The following KHDRBS3 variants were observed in gnomAD, a reference collection of about 807,000 sequenced individuals.
KHDRBS3 encodes KH RNA binding domain containing, signal transduction associated 3.
A neutral mutation model predicts 45.6 loss-of-function variants in KHDRBS3; 23 were observed. The observed-to-expected ratio is 0.50, with a 90% CI of 0.36 to 0.72. The LOEUF (loss-of-function observed/expected upper bound fraction) is 0.72. Among genes scored for constraint, KHDRBS3 ranks in the 30% least tolerant of loss-of-function variants. KHDRBS3 has a pLI of 0.00. For missense variants in KHDRBS3, 352 were observed against 424.8 expected (o/e 0.83, Z 1.51); for synonymous variants, 162 against 156.5 (o/e 1.04, Z -0.26).
intron 1 of KHDRBS3, among the ~76,000 whole-genome samples, chr8:135,475,303 C>T (rs1026742909): frequency 1.3e-5 from 2 of 152,104 alleles, no homozygotes; most frequent in African/African-American, 4.8e-5. Flanking sequence ...CCTAGTGTAT[C>T]TTCAGCCTGT....
chr8:135,599,833 T>C (rs886326892), intron 6 of KHDRBS3, among the ~76,000 whole-genome samples: 14 of 152,266 alleles, frequency 9.2e-5, no homozygotes, highest in African/African-American at 3.4e-4. Flanking sequence ...GGAAACAGCC[T>C]GTGCGGAGGA....
chr8:135,493,441 T>G (rs1407491837), intron 1 of KHDRBS3, among the ~76,000 whole-genome samples: 1 of 152,198 alleles, frequency 6.6e-6, no homozygotes, highest in African/African-American at 2.4e-5. Context: ...TTTTCATAGA[T>G]GTTCTTTATT....
At chr8:135,571,844 C>T (rs990342702) in intron 5 of KHDRBS3, among the ~76,000 whole-genome samples, 1 of 152,050 alleles carries the variant, frequency 6.6e-6, no homozygotes, top group African/African-American at 2.4e-5. Context: ...TCTCTCTAAG[C>T]CATAGTTCTT....
At chr8:135,599,125 A>G (rs1026144141) in intron 6 of KHDRBS3, among the ~76,000 whole-genome samples, 2 of 152,206 alleles carry the variant, frequency 1.3e-5, no homozygotes, top group Non-Finnish European at 2.9e-5. Context: ...TGAGTTTTAT[A>G]GGTCGGGAAT....
chr8:135,549,386 A>G (rs901774870), intron 4 of KHDRBS3: 1 of 152,274 alleles, frequency 6.6e-6, no homozygotes, highest in Non-Finnish European at 1.5e-5. Flanking sequence ...CATGATAAAT[A>G]TAACAGACAT....
chr8:135,596,147 A>G (rs1469420028), intron 6 of KHDRBS3, among the ~76,000 whole-genome samples: 1 of 152,214 alleles, frequency 6.6e-6, no homozygotes, highest in African/African-American at 2.4e-5. Flanking sequence ...AGAATGGTAC[A>G]TAGCTAGTAT....
At position 135,536,874 on chromosome 8, in the gene KHDRBS3, G is replaced by A. The variant is rs374860889; in HGVS notation, c.208-5780G>A. ...ACTCGGGAGGCTGAGGCAGGAGAAT[G>A]GCATGAACCCGGGAAGCGGAGCTTG... On this transcript the variant is annotated intron_variant, in intron 2 of 8. Coordinates refer to ENST00000355849, the MANE Select transcript of KHDRBS3 (RefSeq NM_006558.3). Among the ~76,000 whole-genome samples the A allele has an allele frequency of 4.7e-5, 7 of 148,688 alleles. No individual in the cohort carries two copies. The East Asian group carries it at 1.0e-3, about 21-fold the overall frequency.
chr8:135,545,613 C>G (rs1018143823), intron 3 of KHDRBS3, among the ~76,000 whole-genome samples: 1 of 152,154 alleles, frequency 6.6e-6, no homozygotes, highest in African/African-American at 2.4e-5. Context: ...TGCACCCTAG[C>G]TTACTTCTGG....
intron 7 of KHDRBS3, among the ~76,000 whole-genome samples, chr8:135,622,235 T>C (rs1001626413): frequency 3.4e-4 from 52 of 152,216 alleles, no homozygotes; most frequent in African/African-American, 1.2e-3. Context: ...TCAATAAATA[T>C]TTATTGAATA....
chr8:135,624,363 A>G (rs1830270081), intron 7 of KHDRBS3, among the ~76,000 whole-genome samples: 1 of 152,260 alleles, frequency 6.6e-6, no homozygotes. Context: ...TTCAAATCCC[A>G]GAGATGTGGG....
chr8:135,459,249 G>A (rs890448884), intron 1 of KHDRBS3, among the ~76,000 whole-genome samples: 2 of 152,182 alleles, frequency 1.3e-5, no homozygotes, highest in African/African-American at 4.8e-5. Context: ...AGAGTAGAGT[G>A]TGTGTGTGGT....
In KHDRBS3 at chr8:135,518,821, A is replaced by G. The variant is rs1367783294; in HGVS notation, c.89-2416A>G. On this transcript the variant is annotated intron_variant, in intron 1 of 8. Coordinates refer to ENST00000355849, the MANE Select transcript of KHDRBS3 (RefSeq NM_006558.3). ...ATTCTATTCATGGAAAATTTCTGAA[A>G]GAGTATATAAAAACAGTTGATTACA... is the stretch of plus-strand genomic sequence containing the variant. Among the ~76,000 whole-genome samples the G allele has an allele frequency of 2.6e-5, 4 of 152,212 alleles. No individual in the cohort carries two copies. In the East Asian group the frequency reaches 7.7e-4, roughly 29 times the overall value.
At chr8:135,489,546 C>T (rs1261707530) in intron 1 of KHDRBS3, among the ~76,000 whole-genome samples, 1 of 151,906 alleles carries the variant, frequency 6.6e-6, no homozygotes, top group African/African-American at 2.4e-5. Flanking sequence ...GAAGTGGTGG[C>T]ACACAGCTGT....
intron 1 of KHDRBS3, among the ~76,000 whole-genome samples, chr8:135,489,452 G>A (rs147569213): frequency 1.7e-3 from 254 of 152,260 alleles, no homozygotes; most frequent in African/African-American, 5.7e-3. Flanking sequence ...GGCCGAGGTG[G>A]GTGGATCACG....
chr8:135,515,099 G>A (rs1312452710), intron 1 of KHDRBS3, among the ~76,000 whole-genome samples: 3 of 152,086 alleles, frequency 2.0e-5, no homozygotes, highest in Non-Finnish European at 2.9e-5. Context: ...GGGCGCGGTG[G>A]CTCACGCCTG....
At chr8:135,641,732 G>C (rs1172324085) in intron 7 of KHDRBS3, among the ~76,000 whole-genome samples, 1 of 152,208 alleles carries the variant, frequency 6.6e-6, no homozygotes, top group African/African-American at 2.4e-5. Context: ...TGCAGGTAAA[G>C]GCCCAGGCCT....
intron 6 of KHDRBS3, among the ~76,000 whole-genome samples, chr8:135,599,466 A>G (rs1019920680): frequency 6.6e-6 from 1 of 152,228 alleles, no homozygotes; most frequent in Non-Finnish European, 1.5e-5. Flanking sequence ...CTTGTCATCA[A>G]ATTTTACAGT....
intron 4 of KHDRBS3, 95 bp from the exon 5 acceptor site, chr8:135,557,353 C>A: frequency 1.7e-6 from 1 of 597,746 alleles, no homozygotes. Flanking sequence ...ATTTTCCTAA[C>A]CCTTTTTTCT....
At chr8:135,610,789 T>A (rs774158647) in intron 7 of KHDRBS3, among the ~76,000 whole-genome samples, 2 of 151,572 alleles carry the variant, frequency 1.3e-5, no homozygotes, top group African/African-American at 2.4e-5. Flanking sequence ...AACAGGGAGT[T>A]TTGTGTGGCA....
Sources: gnomAD v4.1 joint callset for allele counts (sites outside exome capture counted in the v4.1 genomes callset) on GRCh38, gnomAD v4.1.1 for gene constraint, MANE v1.5 for transcripts, NCBI Gene and HGNC (gene_info 2026-07-23, HGNC 2026-07-21) for gene names.